The following KCNB2 variants were observed in gnomAD, a reference collection of about 807,000 sequenced individuals.
The protein encoded by KCNB2 is potassium voltage-gated channel subfamily B member 2.
Under a neutral mutation model 61.5 loss-of-function variants are expected in KCNB2, and 15 were observed. The ratio of observed to expected loss-of-function variants is 0.24; its 90% CI spans 0.16 to 0.38. The LOEUF (loss-of-function observed/expected upper bound fraction) is 0.38, where lower values mean the gene tolerates loss of function less well. Ranked by LOEUF, KCNB2 falls within the 10% of genes least tolerant of loss-of-function variation. The pLI is 1.00. For missense variants in KCNB2, 828 were observed against 1,125.2 expected, an observed-to-expected ratio of 0.74 and a Z score of 3.78; for synonymous variants, 457 against 446.0, an observed-to-expected ratio of 1.02 and a Z score of -0.31.
At chr8:72,822,057 T>TG (rs1157932989) in intron 2 of KCNB2, among the ~76,000 whole-genome samples, 1 of 152,176 alleles carries the variant, frequency 6.6e-6, no homozygotes, top group African/African-American at 2.4e-5. Context: ...TGCAAACCAG[T>TG]GTAGGCTCAC....
chr8:72,626,699 T>TC (rs2128984611), intron 2 of KCNB2, among the ~76,000 whole-genome samples: 1 of 152,194 alleles, frequency 6.6e-6, no homozygotes, highest in Non-Finnish European at 1.5e-5. Flanking sequence ...AATGAGAAAA[T>TC]GTTGGGGTTA....
chr8:72,746,120 T>C (rs1408365273), intron 2 of KCNB2, among the ~76,000 whole-genome samples: 8 of 152,166 alleles, frequency 5.3e-5, no homozygotes, highest in Non-Finnish European at 1.0e-4. Flanking sequence ...GCTAGAGCTG[T>C]GGGATTTAAG....
At chr8:72,621,175 A>G (rs996815536) in intron 2 of KCNB2, among the ~76,000 whole-genome samples, 1 of 152,210 alleles carries the variant, frequency 6.6e-6, no homozygotes, top group Non-Finnish European at 1.5e-5. Flanking sequence ...TGTACATTTC[A>G]TCTCTTAACC....
chr8:72,826,015 C>A (rs1268967897), intron 2 of KCNB2, among the ~76,000 whole-genome samples: 1 of 152,092 alleles, frequency 6.6e-6, no homozygotes, highest in Non-Finnish European at 1.5e-5. Flanking sequence ...CTTTTAAGAG[C>A]TTTATAACAT....
intron 2 of KCNB2, among the ~76,000 whole-genome samples, chr8:72,863,138 T>C (rs555451111): frequency 1.3e-5 from 2 of 152,318 alleles, no homozygotes; most frequent in Admixed American, 6.5e-5. Context: ...CAGTTCTGCC[T>C]AGTAGGGAAG....
intron 2 of KCNB2, among the ~76,000 whole-genome samples, chr8:72,768,531 A>G (rs1808499211): frequency 6.6e-6 from 1 of 152,070 alleles, no homozygotes; most frequent in Non-Finnish European, 1.5e-5. Flanking sequence ...ATGCAGCACA[A>G]AAGCTTTTTT....
At chr8:72,738,762 G>A (rs548137593) in intron 2 of KCNB2, among the ~76,000 whole-genome samples, 2 of 152,214 alleles carry the variant, frequency 1.3e-5, no homozygotes, top group East Asian at 3.9e-4. Flanking sequence ...CAGTACCAGG[G>A]CACAGAGGGT....
At chr8:72,715,729 T>C (rs1172119333) in intron 2 of KCNB2, among the ~76,000 whole-genome samples, 2 of 151,820 alleles carry the variant, frequency 1.3e-5, no homozygotes, top group African/African-American at 4.8e-5. Flanking sequence ...AAAATTGACA[T>C]CCTAACATCA....
intron 2 of KCNB2, among the ~76,000 whole-genome samples, chr8:72,895,791 C>T (rs776434561): frequency 5.9e-5 from 9 of 152,088 alleles, no homozygotes; most frequent in African/African-American, 1.4e-4. Flanking sequence ...AAACTCTTAA[C>T]GCTTTTAAGA....
rs1806615919 is a variant in KCNB2 at position 72,565,794 on chromosome 8, T to C, written c.-93-1848T>C. On this transcript the variant is annotated intron_variant, in intron 1 of 2. Transcript: ENST00000523207. ...CATTTTCTGGCCACATATATTACTTTGGTCAGCTCTCTTGTGGAAAATAAT... is the reference window on the plus strand; with the variant it reads ...CATTTTCTGGCCACATATATTACTTCGGTCAGCTCTCTTGTGGAAAATAAT... 2.0e-5 allele frequency among the ~76,000 whole-genome samples: 3 copies of C among 152,216 alleles called. No individual in the cohort carries two copies. The South Asian group carries it at 6.2e-4, about 32-fold the overall frequency.
At chr8:72,768,534 GC>G (rs1267825499) in intron 2 of KCNB2, among the ~76,000 whole-genome samples, 1 of 151,862 alleles carries the variant, frequency 6.6e-6, no homozygotes, top group African/African-American at 2.4e-5. Flanking sequence ...CAGCACAAAA[GC>G]TTTTTTCATT....
At chr8:72,726,293 C>A (rs1487414780) in intron 2 of KCNB2, among the ~76,000 whole-genome samples, 2 of 152,214 alleles carry the variant, frequency 1.3e-5, no homozygotes, top group Admixed American at 6.5e-5. Flanking sequence ...ACCAACCATA[C>A]TGGCACCTTG....
intron 2 of KCNB2, among the ~76,000 whole-genome samples, chr8:72,636,020 C>T (rs1411364084): frequency 6.6e-6 from 1 of 152,152 alleles, no homozygotes; most frequent in Non-Finnish European, 1.5e-5. Context: ...AATAAGTTTA[C>T]AGATCTGAAA....
chr8:72,760,721 C>G (rs561108713), intron 2 of KCNB2, among the ~76,000 whole-genome samples: 2 of 152,312 alleles, frequency 1.3e-5, no homozygotes, highest in Admixed American at 1.3e-4. Flanking sequence ...ATACTAAGTA[C>G]AGCCTCATAT....
intron 2 of KCNB2, among the ~76,000 whole-genome samples, chr8:72,571,808 A>G (rs1468450232): frequency 2.6e-5 from 4 of 152,152 alleles, no homozygotes; most frequent in Non-Finnish European, 5.9e-5. Flanking sequence ...AGGGGAAGAA[A>G]AGGGCTCAAC....
chr8:72,887,244 C>A (rs1339975722), intron 2 of KCNB2, among the ~76,000 whole-genome samples: 1 of 152,212 alleles, frequency 6.6e-6, no homozygotes, highest in Non-Finnish European at 1.5e-5. Flanking sequence ...CAGTCCACAT[C>A]ACACCTTGTA....
intron 2 of KCNB2, among the ~76,000 whole-genome samples, chr8:72,719,611 G>T (rs988381200): frequency 6.6e-6 from 1 of 151,930 alleles, no homozygotes; most frequent in Non-Finnish European, 1.5e-5. Flanking sequence ...CATTATAAAT[G>T]TCCTCCTATT....
chr8:72,568,413 C>G (rs530340311), intron 2 of KCNB2, 100 bp downstream of exon 2: 16 of 971,026 alleles, frequency 1.6e-5, no homozygotes. Context: ...TAACACAGAA[C>G]AAAGTGTGGC....
At chr8:72,620,789 G>A (rs1249239505) in intron 2 of KCNB2, among the ~76,000 whole-genome samples, 1 of 151,944 alleles carries the variant, frequency 6.6e-6, no homozygotes, top group African/African-American at 2.4e-5. Context: ...CGTGTTTTTA[G>A]TAGAGACGGG....
Sources: allele counts gnomAD v4.1 joint callset (sites outside exome capture counted in the v4.1 genomes callset), GRCh38; gene constraint gnomAD v4.1.1; transcripts MANE v1.5; gene names NCBI Gene and HGNC (gene_info 2026-07-23, HGNC 2026-07-21).